The following FBXO31 variants were observed in gnomAD, a reference collection of about 807,000 sequenced individuals.
The protein encoded by FBXO31 is F-box protein 31.
A neutral mutation model predicts 54.4 loss-of-function variants in FBXO31; 24 were observed. That is an observed-to-expected ratio of 0.44 (90% CI 0.32 to 0.62). FBXO31 has a LOEUF of 0.62. FBXO31 is among the 20% of genes least tolerant of loss of function. The pLI is 0.05. For missense variants in FBXO31, 665 were observed against 787.1 expected (o/e 0.84, Z 1.86); for synonymous variants, 388 against 335.6 (o/e 1.16, Z -1.71).
In FBXO31 at chr16:87,350,637, C is replaced by T. The variant is rs1017446684; in HGVS notation, c.413-3387G>A. 4.6e-5 allele frequency among the ~76,000 whole-genome samples: 7 copies of T among 152,268 alleles called. No homozygotes were observed. The East Asian group carries it at 5.8e-4, about 13-fold the overall frequency. ...ATGGCTGCAGGGATGGACTGCTGGGCGGCTGGGTGATAACAAAATGGAGGT... is the reference window on the plus strand; with the variant it reads ...ATGGCTGCAGGGATGGACTGCTGGGTGGCTGGGTGATAACAAAATGGAGGT... On this transcript the variant is annotated intron_variant, in intron 2 of 8. Transcript: ENST00000311635.
chr16:87,373,996 T>G (rs1374988157), intron 1 of FBXO31, among the ~76,000 whole-genome samples: 1 of 152,122 alleles, frequency 6.6e-6, no homozygotes, highest in East Asian at 1.9e-4. Context: ...GTAATGCACT[T>G]TGGGAGACCA....
chr16:87,331,268 G>A lies in FBXO31; in HGVS notation c.*20C>T, dbSNP rs1232649019. On this transcript the variant is annotated 3_prime_UTR_variant, in exon 9 of 9. Transcript: ENST00000311635. ...AGAGCCCCAGAGCCACCCGGGATGT[G>A]GCGGCAAGGATGTGGCCGGTCAGGA... 2 of 1,607,356 alleles carry A rather than the reference G, an allele frequency of 1.2e-6. No individual in the cohort carries two copies. Among genetic ancestry groups the A allele is most frequent in the African/African-American group, 1.3e-5 (1 of 74,790 alleles).
chr16:87,377,178 C>G (rs1232538550), intron 1 of FBXO31, among the ~76,000 whole-genome samples: 1 of 152,230 alleles, frequency 6.6e-6, no homozygotes, highest in African/African-American at 2.4e-5. Context: ...GGGACGGTGG[C>G]TCACGCCAGT....
intron 5 of FBXO31, among the ~76,000 whole-genome samples, chr16:87,339,067 C>T (rs1466257306): frequency 1.3e-5 from 2 of 152,238 alleles, no homozygotes; most frequent in Non-Finnish European, 2.9e-5. Context: ...TCCCCAGCCA[C>T]ATGGAACTGT....
At chr16:87,379,669 G>A (rs553172935) in intron 1 of FBXO31, among the ~76,000 whole-genome samples, 1 of 152,036 alleles carries the variant, frequency 6.6e-6, no homozygotes, top group Admixed American at 6.6e-5. Context: ...CCATCAGCCA[G>A]GGTCTGTGGG....
chr16:87,339,262 G>A (rs1017963797), intron 5 of FBXO31, among the ~76,000 whole-genome samples: 3 of 152,210 alleles, frequency 2.0e-5, no homozygotes, highest in Non-Finnish European at 4.4e-5. Flanking sequence ...GTGTCACCAT[G>A]TCCAGACCTC....
At chr16:87,365,879 T>C (rs1203402258) in intron 1 of FBXO31, among the ~76,000 whole-genome samples, 1 of 151,880 alleles carries the variant, frequency 6.6e-6, no homozygotes, top group East Asian at 1.9e-4. Flanking sequence ...AATACAAAAA[T>C]TAGCCGGGTG....
intron 1 of FBXO31, among the ~76,000 whole-genome samples, chr16:87,364,902 G>A (rs1423705594): frequency 1.3e-5 from 2 of 149,342 alleles, no homozygotes; most frequent in East Asian, 4.0e-4. Flanking sequence ...CACTACTCAG[G>A]AGGCTGATGT....
At chr16:87,378,365 G>A (rs1231403689) in intron 1 of FBXO31, among the ~76,000 whole-genome samples, 1 of 152,084 alleles carries the variant, frequency 6.6e-6, no homozygotes, top group Non-Finnish European at 1.5e-5. Context: ...CAAAATAAAT[G>A]GTGAATAAAA....
Position 87,358,719 on chromosome 16 carries a change from G to A in FBXO31, c.412+1576C>T, listed in dbSNP as rs543712598. Reference sequence around the variant, plus strand: ...TCAGTGGTGCCACCAGAAACTCACGGTGGCAGCAAGCTTGGAAATCCTTTC... The same window carrying A: ...TCAGTGGTGCCACCAGAAACTCACGATGGCAGCAAGCTTGGAAATCCTTTC... On this transcript the variant is annotated intron_variant, in intron 2 of 8. Coordinates refer to ENST00000311635, the MANE Select transcript of FBXO31 (RefSeq NM_024735.5). This position sits in a 1 kb window ranked among gnomAD's most constrained non-coding sequence, Gnocchi z 4.0. 6.6e-6 allele frequency among the ~76,000 whole-genome samples: 1 copy of A among 152,286 alleles called. No individual in the cohort carries two copies. The highest frequency in any genetic ancestry group is 2.4e-5 in the African/African-American group (1 of 41,554).
At chr16:87,349,908 CAA>C (rs11305127) in intron 2 of FBXO31, among the ~76,000 whole-genome samples, 175 of 142,950 alleles carry the variant, frequency 1.2e-3, no homozygotes, top group Middle Eastern at 3.6e-3. Context: ...GACCCTATCT[CAA>C]AAAAAAAAAA....
In FBXO31 at chr16:87,338,546, C is replaced by T. The variant is rs928439534; in HGVS notation, c.733-2282G>A. On this transcript the variant is annotated intron_variant, in intron 5 of 8. Transcript: ENST00000311635. This position sits in a 1 kb window ranked among gnomAD's most constrained non-coding sequence, Gnocchi z 4.3. ...TGGCCCGGCACCCATACAGAAAAGG[C>T]CAGGTCTGGGTGGGCCCGAGCGTCC... 6.6e-6 allele frequency among the ~76,000 whole-genome samples: 1 copy of T among 152,132 alleles called. No individual in the cohort carries two copies. The highest frequency in any genetic ancestry group is 2.4e-5 in the African/African-American group (1 of 41,434).
upstream of FBXO31, chr16:87,389,896 G>C (rs1475923986): frequency 3.3e-5 from 5 of 152,224 alleles, no homozygotes; most frequent in Non-Finnish European, 7.3e-5. Context: ...TTAATTGTAT[G>C]ACTATCAGAG....
intron 5 of FBXO31, among the ~76,000 whole-genome samples, chr16:87,341,670 A>AG (rs1256466238): frequency 6.6e-6 from 1 of 151,878 alleles, no homozygotes; most frequent in East Asian, 1.9e-4. Flanking sequence ...AAAAAAAAAA[A>AG]AAAAAAAAAA....
At chr16:87,387,869 G>T (rs1389651377), upstream of FBXO31, among the ~76,000 whole-genome samples, 1 of 152,152 alleles carries the variant, frequency 6.6e-6, no homozygotes, top group East Asian at 1.9e-4. Context: ...TCAACATCCG[G>T]ATGTGAAAAA....
In FBXO31 at chr16:87,334,280, G is replaced by A. The variant is rs1219414717; in HGVS notation, c.1003C>T (p.Pro335Ser). 1.3e-6 allele frequency: 2 copies of A among 1,574,784 alleles called. No individual in the cohort carries two copies. Among genetic ancestry groups the A allele is most frequent in the African/African-American group, 1.3e-5 (1 of 74,164 alleles). ...GTCTGCTGCCCAGCGGGGATGTTGG[G>A]GTCGCCCTGTGGAGCAGGTGGCAGT... ...RARGTKITGD[P>S]NIPAGQQTVE... The change falls in exon 8 of 9, where the codon CCC (proline) becomes TCC (serine). Residue 335 changes from proline (P) to serine (S), a missense_variant. By Grantham distance (74) the Pro-to-Ser change is moderately conservative. Coordinates refer to ENST00000311635, the MANE Select transcript of FBXO31 (RefSeq NM_024735.5).
At chr16:87,333,079 G>A (rs1904919081) in intron 8 of FBXO31, among the ~76,000 whole-genome samples, 1 of 152,254 alleles carries the variant, frequency 6.6e-6, no homozygotes, top group South Asian at 2.1e-4. Context: ...AATTTAAACA[G>A]CTCTAAAGGG....
intron 1 of FBXO31, among the ~76,000 whole-genome samples, chr16:87,371,436 AC>A (rs772259289): frequency 1.3e-5 from 2 of 152,118 alleles, no homozygotes; most frequent in African/African-American, 2.4e-5. Flanking sequence ...ACTGTTCACG[AC>A]CCTTCTGTGA....
upstream of FBXO31, among the ~76,000 whole-genome samples, chr16:87,384,618 C>T (rs575931522): frequency 1.3e-4 from 20 of 152,376 alleles, no homozygotes; most frequent in South Asian, 4.1e-3. Context: ...ACCTGAGCAG[C>T]CGCGCACGTC....
Sources: allele counts gnomAD v4.1 joint callset (sites outside exome capture counted in the v4.1 genomes callset), GRCh38; gene constraint gnomAD v4.1.1; non-coding constraint Gnocchi (gnomAD v3.1); transcripts MANE v1.5; gene names NCBI Gene and HGNC (gene_info 2026-07-23, HGNC 2026-07-21).